The following ARHGEF26 variants were observed in gnomAD, a reference collection of about 807,000 sequenced individuals.
ARHGEF26 encodes the protein Rho guanine nucleotide exchange factor (GEF) 26.
In ARHGEF26, 59 loss-of-function variants were observed where a neutral mutation model predicts 89.4. The ratio of observed to expected loss-of-function variants is 0.66; its 90% CI spans 0.54 to 0.82. ARHGEF26 has a LOEUF of 0.82. Ranked by LOEUF, ARHGEF26 falls within the 40% of genes least tolerant of loss-of-function variation. The pLI is 0.00. For synonymous variants in ARHGEF26, 500 were observed against 428.4 expected, an observed-to-expected ratio of 1.17 and a Z score of -2.06; for missense variants, 1,234 against 1,085.6, an observed-to-expected ratio of 1.14 and a Z score of -1.92.
At chr3:154,247,546 T>G (rs1300707953) in intron 12 of ARHGEF26, among the ~76,000 whole-genome samples, 3 of 152,226 alleles carry the variant, frequency 2.0e-5, no homozygotes, top group Non-Finnish European at 4.4e-5. Flanking sequence ...TTTTGTCCTT[T>G]CCTTGCTTTG....
Position 154,256,558 on chromosome 3 carries a change from AAAAAAAAAAAAAAAAAAC to A in ARHGEF26, c.*1086_*1103del. On this transcript the variant is annotated 3_prime_UTR_variant, in exon 15 of 15. Coordinates refer to ENST00000465093, the MANE Select transcript of ARHGEF26 (RefSeq NM_015595.4). ...TACTTTCTAATTAATTAAAAAAAAA[AAAAAAAAAAAAAAAAAAC>A]CTTCCCAAATGAGCTGATAAAAAAC... is the stretch of plus-strand genomic sequence containing the variant. 3 of 993,668 alleles carry A rather than the reference AAAAAAAAAAAAAAAAAAC, an allele frequency of 3.0e-6. No individual in the cohort carries two copies. The highest frequency in any genetic ancestry group is 3.6e-6 in the Non-Finnish European group (3 of 836,884). 61.6% of individuals were successfully genotyped at this position (993,668 alleles called of 1,614,324 possible). A position where few individuals can be genotyped will look rare whatever the true frequency, so the allele number is the denominator to read the frequency against.
chr3:154,201,004 A>T (rs1409905032), intron 9 of ARHGEF26, among the ~76,000 whole-genome samples: 4 of 151,252 alleles, frequency 2.6e-5, no homozygotes, highest in Non-Finnish European at 5.9e-5. Context: ...CAAATATAAG[A>T]TTTTTTTTTA....
Position 154,256,804 on chromosome 3 carries a change from A to C in ARHGEF26, c.*1331A>C, listed in dbSNP as rs1718546492. ...TCATTCTATTTGCACTAAAAGCCTT[A>C]ACTTGCTGTATTCAGAGTCCCTCTT... On this transcript the variant is annotated 3_prime_UTR_variant, in exon 15 of 15. Transcript: ENST00000465093. 2.7e-6 allele frequency: 4 copies of C among 1,503,780 alleles called. No homozygotes were observed. The highest frequency in any genetic ancestry group is 3.5e-6 in the Non-Finnish European group (4 of 1,134,836). 93.2% of individuals were successfully genotyped at this position (1,503,780 alleles called of 1,614,324 possible).
chr3:154,124,371 C>CTTTTT, intron 2 of ARHGEF26, 39 bp from the exon 3 acceptor site: 1 of 977,568 alleles, frequency 1.0e-6, no homozygotes, highest in African/African-American at 2.5e-5. Context: ...GTTTGCTTTT[C>CTTTTT]CTTTTTTTTT....
At chr3:154,217,196 G>A (rs1372896980) in intron 9 of ARHGEF26, among the ~76,000 whole-genome samples, 2 of 149,986 alleles carry the variant, frequency 1.3e-5, no homozygotes, top group Non-Finnish European at 3.0e-5. Context: ...TCCAGCACCT[G>A]TTGTTCCCTG....
intron 9 of ARHGEF26, among the ~76,000 whole-genome samples, chr3:154,202,101 T>A (rs1158012232): frequency 2.0e-5 from 3 of 152,168 alleles, no homozygotes; most frequent in African/African-American, 7.2e-5. Flanking sequence ...CTGAATGGTA[T>A]TGCCTAGGTT....
At chr3:154,184,883 C>A (rs186731920) in intron 6 of ARHGEF26, among the ~76,000 whole-genome samples, 1 of 152,214 alleles carries the variant, frequency 6.6e-6, no homozygotes, top group Non-Finnish European at 1.5e-5. Context: ...AAGCTCAGCC[C>A]TGCTCTGCAG....
Position 154,122,557 on chromosome 3 carries a change from TC to T in ARHGEF26, c.566del (p.Ser189CysfsTer47). 1 of 1,613,598 alleles carries T rather than the reference TC, an allele frequency of 6.2e-7. No homozygotes were observed. Among genetic ancestry groups the T allele is most frequent in the Non-Finnish European group, 8.5e-7 (1 of 1,179,904 alleles). On this transcript the variant is annotated frameshift_variant, in exon 2 of 15. Transcript: ENST00000465093. LOFTEE classifies it high-confidence loss of function. ...AANNDSPGSGSQSGRKAKDPE... is the reference protein window; with the variant it reads ...AANNDSPGSGXQSGRKAKDPE... ...TAATAACGACTCTCCTGGGTCAGGTTCGCAGTCCGGCCGGAAGGCAAAGGAC... is the reference window on the plus strand; with the variant it reads ...TAATAACGACTCTCCTGGGTCAGGTTGCAGTCCGGCCGGAAGGCAAAGGAC...
intron 6 of ARHGEF26, among the ~76,000 whole-genome samples, chr3:154,162,899 A>G (rs143043438): frequency 9.3e-4 from 142 of 152,318 alleles, no homozygotes; most frequent in African/African-American, 3.2e-3. Flanking sequence ...CAAATGCACT[A>G]TAATAAACGA....
intron 11 of ARHGEF26, among the ~76,000 whole-genome samples, chr3:154,236,311 A>G (rs1717124072): frequency 1.3e-5 from 2 of 152,246 alleles, no homozygotes; most frequent in African/African-American, 4.8e-5. Flanking sequence ...CACTGTTTAC[A>G]CTTCAAGCAA....
At chr3:154,247,652 C>T (rs1188252067) in intron 12 of ARHGEF26, among the ~76,000 whole-genome samples, 2 of 152,126 alleles carry the variant, frequency 1.3e-5, no homozygotes, top group African/African-American at 4.8e-5. Context: ...GAAGAGTAAC[C>T]AGGTGTGGAG....
chr3:154,155,030 C>T (rs1364587702), intron 6 of ARHGEF26, among the ~76,000 whole-genome samples: 2 of 151,938 alleles, frequency 1.3e-5, no homozygotes, highest in Non-Finnish European at 2.9e-5. Flanking sequence ...TGCAGTACCA[C>T]CAAGAATAGA....
intron 4 of ARHGEF26, among the ~76,000 whole-genome samples, chr3:154,141,728 C>A (rs921819065): frequency 3.9e-5 from 6 of 152,162 alleles, no homozygotes; most frequent in Admixed American, 3.9e-4. Flanking sequence ...GTGTATATAT[C>A]TCAAAGAAAT....
chr3:154,151,724 A>G (rs970889886), intron 5 of ARHGEF26, among the ~76,000 whole-genome samples: 1 of 152,202 alleles, frequency 6.6e-6, no homozygotes, highest in African/African-American at 2.4e-5. Flanking sequence ...CACTGAGATT[A>G]GCACTTCTAA....
chr3:154,159,022 G>A (rs1440837710), intron 6 of ARHGEF26, among the ~76,000 whole-genome samples: 1 of 152,054 alleles, frequency 6.6e-6, no homozygotes, highest in Non-Finnish European at 1.5e-5. Flanking sequence ...AAGACTGAAT[G>A]TTAACCCTTC....
intron 9 of ARHGEF26, among the ~76,000 whole-genome samples, chr3:154,204,448 C>A (rs1486987157): frequency 6.7e-6 from 1 of 149,800 alleles, no homozygotes; most frequent in African/African-American, 2.5e-5. Context: ...GTATCTCATG[C>A]CTCAGCCTCT....
intron 12 of ARHGEF26, among the ~76,000 whole-genome samples, chr3:154,246,560 G>A (rs1229873660): frequency 6.6e-6 from 1 of 152,152 alleles, no homozygotes; most frequent in Non-Finnish European, 1.5e-5. Context: ...TTCAAGGGGT[G>A]GAGACTGGTT....
intron 10 of ARHGEF26, 40 bp downstream of exon 10, chr3:154,217,998 T>A: frequency 6.6e-7 from 1 of 1,512,694 alleles, no homozygotes; most frequent in Non-Finnish European, 9.0e-7. Context: ...TTGCCTATGT[T>A]TTTCTCTAAA....
intron 6 of ARHGEF26, among the ~76,000 whole-genome samples, chr3:154,179,111 A>G (rs1233903015): frequency 6.6e-6 from 1 of 152,202 alleles, no homozygotes; most frequent in Non-Finnish European, 1.5e-5. Context: ...CAAGTCAGTG[A>G]TTATTGAACT....
Sources: allele counts gnomAD v4.1 joint callset (sites outside exome capture counted in the v4.1 genomes callset), GRCh38; gene constraint gnomAD v4.1.1; transcripts MANE v1.5; gene names NCBI Gene and HGNC (gene_info 2026-07-23, HGNC 2026-07-21).